The following NBAS variants were observed in gnomAD, a reference collection of about 807,000 sequenced individuals.
The protein encoded by NBAS is NAG/BC035112 fusion.
Under a neutral mutation model 302.5 loss-of-function variants are expected in NBAS, and 219 were observed. The observed-to-expected ratio is 0.72, with a 90% CI of 0.65 to 0.81. NBAS has a LOEUF of 0.81. NBAS is among the 30% of genes least tolerant of loss of function. The pLI is 0.00. For missense variants in NBAS, 2,932 were observed against 2,841.6 expected (o/e 1.03, Z -0.72); for synonymous variants, 1,118 against 1,021.6 (o/e 1.09, Z -1.80).
At chr2:15,267,081 A>G (rs1329984179) in intron 44 of NBAS, among the ~76,000 whole-genome samples, 1 of 152,220 alleles carries the variant, frequency 6.6e-6, no homozygotes, top group African/African-American at 2.4e-5. Flanking sequence ...CTATACCCAG[A>G]AGCTATTTCT....
At chr2:15,214,749 G>A (rs1446776735) in intron 48 of NBAS, among the ~76,000 whole-genome samples, 1 of 152,208 alleles carries the variant, frequency 6.6e-6, no homozygotes, top group East Asian at 1.9e-4. Flanking sequence ...TGAGCTCTGA[G>A]AGGGAAGGGC....
At chr2:15,555,170 G>T (rs2148715057) in intron 3 of NBAS, among the ~76,000 whole-genome samples, 1 of 151,902 alleles carries the variant, frequency 6.6e-6, no homozygotes, top group African/African-American at 2.4e-5. Context: ...AGGATTGCTT[G>T]AGCACAGGAG....
intron 19 of NBAS, among the ~76,000 whole-genome samples, chr2:15,465,713 T>C (rs1173713933): frequency 6.6e-6 from 1 of 151,806 alleles, no homozygotes; most frequent in Non-Finnish European, 1.5e-5. Context: ...CTGAATTCTC[T>C]AAAAAAAAGT....
At chr2:15,425,226 G>C (rs1481214294) in intron 22 of NBAS, among the ~76,000 whole-genome samples, 1 of 152,098 alleles carries the variant, frequency 6.6e-6, no homozygotes. Flanking sequence ...GTTCCATTAG[G>C]GATAGTCATT....
chr2:14,865,924 A>G, the NBAS span, among the ~76,000 whole-genome samples: 1 of 152,190 alleles, frequency 6.6e-6, no homozygotes. Flanking sequence ...CAAACTGAAG[A>G]TCTCATTCAC....
At chr2:15,087,353 C>T in the NBAS span, among the ~76,000 whole-genome samples, 1 of 152,132 alleles carries the variant, frequency 6.6e-6, no homozygotes, top group African/African-American at 2.4e-5. Context: ...AACTTCTGGG[C>T]AGTATCAGTC....
intron 31 of NBAS, among the ~76,000 whole-genome samples, chr2:15,374,062 C>T (rs16862549): frequency 0.052 from 7,896 of 152,116 alleles, 591 homozygotes; most frequent in African/African-American, 0.16. Context: ...TGGGATGATA[C>T]CAAGTTGACT....
chr2:15,428,646 G>A (rs1677599783), intron 21 of NBAS, among the ~76,000 whole-genome samples: 1 of 152,134 alleles, frequency 6.6e-6, no homozygotes, highest in Non-Finnish European at 1.5e-5. Context: ...AGCTGATGTA[G>A]GAGGATCGCT....
At chr2:15,535,653 TATA>T (rs1663469799) in intron 8 of NBAS, among the ~76,000 whole-genome samples, 1 of 152,118 alleles carries the variant, frequency 6.6e-6, no homozygotes, top group Non-Finnish European at 1.5e-5. Context: ...CTAGATTCCT[TATA>T]ATATCCAATA....
At chr2:15,270,457 C>T (rs1669266287) in intron 44 of NBAS, among the ~76,000 whole-genome samples, 1 of 152,110 alleles carries the variant, frequency 6.6e-6, no homozygotes, top group African/African-American at 2.4e-5. Context: ...GCCACCATGC[C>T]CAGCCTGTCT....
intron 40 of NBAS, among the ~76,000 whole-genome samples, chr2:15,304,916 T>G (rs552810720): frequency 6.6e-6 from 1 of 152,322 alleles, no homozygotes; most frequent in East Asian, 1.9e-4. Context: ...CAGAGCACAG[T>G]TAGTTCTAGG....
chr2:15,552,969 T>A (rs191143311), intron 5 of NBAS, among the ~76,000 whole-genome samples: 196 of 152,184 alleles, frequency 1.3e-3, no homozygotes, highest in African/African-American at 4.6e-3. Context: ...CATGCCCAGC[T>A]AATTTTTGTA....
chr2:15,120,126 C>T, the NBAS span, among the ~76,000 whole-genome samples: 1 of 152,172 alleles, frequency 6.6e-6, no homozygotes, highest in Non-Finnish European at 1.5e-5. Context: ...GGAGGGTGGG[C>T]TGTCAGCAGG....
the NBAS span, among the ~76,000 whole-genome samples, chr2:14,865,077 A>G: frequency 6.6e-6 from 1 of 152,174 alleles, no homozygotes. Flanking sequence ...CTGTGTTAAA[A>G]GTAAATAGAA....
chr2:15,437,007 T>C (rs1316218069), intron 21 of NBAS, among the ~76,000 whole-genome samples: 2 of 152,200 alleles, frequency 1.3e-5, no homozygotes, highest in South Asian at 2.1e-4. Context: ...GTATACGCAA[T>C]GCTTTCCTGT....
intron 44 of NBAS, among the ~76,000 whole-genome samples, chr2:15,260,628 C>T (rs1311694865): frequency 6.6e-6 from 1 of 151,976 alleles, no homozygotes; most frequent in African/African-American, 2.4e-5. Flanking sequence ...CAGGCGATTT[C>T]GGTTGTAAAT....
At chr2:15,042,874 A>G in the NBAS span, among the ~76,000 whole-genome samples, 1 of 152,234 alleles carries the variant, frequency 6.6e-6, no homozygotes, top group African/African-American at 2.4e-5. Flanking sequence ...GCCAGCTAGT[A>G]TATATTTCAG....
the NBAS span, among the ~76,000 whole-genome samples, chr2:14,780,885 A>T: frequency 6.6e-6 from 1 of 152,188 alleles, no homozygotes; most frequent in Non-Finnish European, 1.5e-5. Context: ...TTGGTCACAA[A>T]TTTTTATTTG....
At chr2:14,914,537 T>G in the NBAS span, among the ~76,000 whole-genome samples, 5 of 152,194 alleles carry the variant, frequency 3.3e-5, no homozygotes, top group Admixed American at 6.5e-5. Flanking sequence ...GCCCAGCCCC[T>G]TGTCAAGGAG....
Sources: allele counts gnomAD v4.1 joint callset (sites outside exome capture counted in the v4.1 genomes callset), GRCh38; gene constraint gnomAD v4.1.1; transcripts MANE v1.5; gene names NCBI Gene and HGNC (gene_info 2026-07-23, HGNC 2026-07-21).